Variants in RAB3C observed in about 807,000 individuals in gnomAD.
The protein encoded by RAB3C is RAB3C, member RAS oncogene family.
In RAB3C, 17 loss-of-function variants were observed where a neutral mutation model predicts 26.4. The ratio of observed to expected loss-of-function variants is 0.64; its 90% confidence interval spans 0.44 to 0.97. RAB3C has a LOEUF of 0.97. Among genes scored for constraint, RAB3C ranks in the 50% least tolerant of loss-of-function variants. RAB3C has a pLI of 0.00. For synonymous variants in RAB3C, 91 were observed against 95.9 expected (o/e 0.95, Z 0.30); for missense variants, 242 against 281.9 (o/e 0.86, Z 1.01).
At chr5:58,781,240 T>C (rs894970323) in intron 3 of RAB3C, among the ~76,000 whole-genome samples, 6 of 152,158 alleles carry the variant, frequency 3.9e-5, no homozygotes, top group African/African-American at 1.2e-4. Flanking sequence ...GGATTTCATG[T>C]TTGCATATAA....
chr5:58,837,091 G>A (rs1206451955), intron 4 of RAB3C, among the ~76,000 whole-genome samples: 2 of 152,180 alleles, frequency 1.3e-5, no homozygotes, highest in Non-Finnish European at 2.9e-5. Flanking sequence ...CGGTGAGATA[G>A]ATGATACCTC....
At chr5:58,670,607 T>C (rs1306638460) in intron 2 of RAB3C, among the ~76,000 whole-genome samples, 1 of 152,176 alleles carries the variant, frequency 6.6e-6, no homozygotes, top group Admixed American at 6.5e-5. Context: ...AGTGTGGAAA[T>C]GTTATCAAAG....
intron 3 of RAB3C, among the ~76,000 whole-genome samples, chr5:58,762,252 T>A (rs566127614): frequency 1.3e-5 from 2 of 152,264 alleles, no homozygotes; most frequent in East Asian, 1.9e-4. Context: ...TTAGGAGCCA[T>A]GAGTGGCTGA....
chr5:58,834,196 A>G (rs1743682804), intron 4 of RAB3C, among the ~76,000 whole-genome samples: 2 of 152,210 alleles, frequency 1.3e-5, no homozygotes, highest in African/African-American at 4.8e-5. Flanking sequence ...TTACAGTTTC[A>G]GTCCAGCTTG....
intron 2 of RAB3C, among the ~76,000 whole-genome samples, chr5:58,676,330 C>G (rs1748224760): frequency 6.6e-6 from 1 of 152,000 alleles, no homozygotes; most frequent in Non-Finnish European, 1.5e-5. Flanking sequence ...TGGTGAAACC[C>G]TGTCTCTACT....
intron 1 of RAB3C, among the ~76,000 whole-genome samples, chr5:58,614,963 T>C (rs1383031234): frequency 6.6e-6 from 1 of 152,150 alleles, no homozygotes; most frequent in Non-Finnish European, 1.5e-5. Context: ...CTGTACATAA[T>C]TTAAACTGTA....
At chr5:58,804,799 C>A (rs1423377) in intron 3 of RAB3C, among the ~76,000 whole-genome samples, 74,306 of 151,632 alleles carry the variant, frequency 0.49, 18,567 homozygotes, top group Middle Eastern at 0.68. Flanking sequence ...CATATAGGAA[C>A]CATGACTCCT....
intron 3 of RAB3C, among the ~76,000 whole-genome samples, chr5:58,768,265 G>C (rs1741950901): frequency 6.6e-6 from 1 of 152,074 alleles, no homozygotes; most frequent in Non-Finnish European, 1.5e-5. Flanking sequence ...CTTGATCCCA[G>C]CACTGCTTTC....
intron 3 of RAB3C, among the ~76,000 whole-genome samples, chr5:58,793,382 C>A (rs1742573764): frequency 6.6e-6 from 1 of 152,056 alleles, no homozygotes; most frequent in Non-Finnish European, 1.5e-5. Flanking sequence ...CATGGTGAAA[C>A]CCTGTCTCTA....
upstream of RAB3C, chr5:58,582,500 A>C (rs1165617034): frequency 1.3e-6 from 1 of 766,692 alleles, no homozygotes; most frequent in Admixed American, 6.3e-5. Context: ...GTGTGTGACT[A>C]TGTACGCGCG....
Position 58,721,370 on chromosome 5 carries a change from C to T in RAB3C, c.253-4632C>T, listed in dbSNP as rs1417161378. ...TATTTCCAGTTGTTTTTTTCAGTCACGAGAAGCCTACATTTATGGAAAATC... is the reference window on the plus strand; with the variant it reads ...TATTTCCAGTTGTTTTTTTCAGTCATGAGAAGCCTACATTTATGGAAAATC... On this transcript the variant is annotated intron_variant, in intron 2 of 4. Coordinates refer to ENST00000282878, the MANE Select transcript of RAB3C (RefSeq NM_138453.4). Among the ~76,000 whole-genome samples, 6 of 150,966 alleles carry T rather than the reference C, an allele frequency of 4.0e-5. No homozygotes were observed. In the South Asian group the frequency reaches 6.3e-4, roughly 16 times the overall value.
chr5:58,643,945 C>T (rs909275908), intron 2 of RAB3C, among the ~76,000 whole-genome samples: 6 of 152,090 alleles, frequency 3.9e-5, no homozygotes, highest in Admixed American at 1.3e-4. Flanking sequence ...CCTCAGCCCC[C>T]GAGGAGCTGG....
intron 3 of RAB3C, among the ~76,000 whole-genome samples, chr5:58,789,187 T>A (rs1742464871): frequency 6.6e-6 from 1 of 152,140 alleles, no homozygotes; most frequent in Non-Finnish European, 1.5e-5. Flanking sequence ...TATTTGGTTA[T>A]GCCTTATCAC....
At chr5:58,606,994 C>T (rs190058058) in intron 1 of RAB3C, among the ~76,000 whole-genome samples, 6 of 152,132 alleles carry the variant, frequency 3.9e-5, no homozygotes, top group Non-Finnish European at 5.9e-5. Context: ...CAAAAACCAG[C>T]GCGCCTCTTC....
At chr5:58,800,569 G>A (rs962420793) in intron 3 of RAB3C, among the ~76,000 whole-genome samples, 45 of 152,262 alleles carry the variant, frequency 3.0e-4, no homozygotes, top group Middle Eastern at 3.4e-3. Context: ...TAATAGAAAC[G>A]CTGTGCTTCT....
intron 2 of RAB3C, among the ~76,000 whole-genome samples, chr5:58,633,622 A>G (rs1298274189): frequency 2.6e-5 from 4 of 152,170 alleles, no homozygotes; most frequent in African/African-American, 4.8e-5. Flanking sequence ...TGAATAATCT[A>G]TCGTTCAGAT....
Position 58,728,539 on chromosome 5 carries a change from A to G in RAB3C, c.371+2419A>G, listed in dbSNP as rs1400494521. 4.6e-5 allele frequency among the ~76,000 whole-genome samples: 7 copies of G among 152,166 alleles called. 1 individual carries two copies. The highest frequency in any genetic ancestry group is 1.7e-4 in the African/African-American group (7 of 41,536). On this transcript the variant is annotated intron_variant, in intron 3 of 4. Transcript: ENST00000282878. ...CATCTTATTGCCATCAGAGCTACAT[A>G]AGTGAACCTTAGTACATCTCGGGCC...
intron 1 of RAB3C, among the ~76,000 whole-genome samples, chr5:58,599,974 A>T (rs1181241965): frequency 6.6e-6 from 1 of 152,082 alleles, no homozygotes; most frequent in Non-Finnish European, 1.5e-5. Context: ...ACATTTTTAT[A>T]GTTTCACGTC....
chr5:58,799,020 TG>T (rs775336388), intron 3 of RAB3C, among the ~76,000 whole-genome samples: 1 of 152,166 alleles, frequency 6.6e-6, no homozygotes, highest in Non-Finnish European at 1.5e-5. Flanking sequence ...AACTGGATCC[TG>T]GGGGGAAGAA....
Sources: gnomAD v4.1 joint callset for allele counts (sites outside exome capture counted in the v4.1 genomes callset) on GRCh38, gnomAD v4.1.1 for gene constraint, MANE v1.5 for transcripts, NCBI Gene and HGNC (gene_info 2026-07-23, HGNC 2026-07-21) for gene names.